The following LINGO2 variants were observed in gnomAD, a reference collection of about 807,000 sequenced individuals.
LINGO2 encodes the protein leucine-rich repeat and immunoglobulin-like domain-containing nogo receptor-interacting protein 2.
A neutral mutation model predicts 30.6 loss-of-function variants in LINGO2; 14 were observed. That is an observed-to-expected ratio of 0.46 (90% CI 0.30 to 0.72). The LOEUF is 0.72. Among genes scored for constraint, LINGO2 ranks in the 30% least tolerant of loss-of-function variants. The probability of loss-of-function intolerance (pLI) is 0.07; values close to 1 mark genes in which losing one functional copy is unlikely to be tolerated. For synonymous variants in LINGO2, 317 were observed against 288.5 expected (o/e 1.10, Z -1.00); for missense variants, 729 against 751.7 (o/e 0.97, Z 0.35).
At chr9:28,970,742 G>A in the LINGO2 span, among the ~76,000 whole-genome samples, 8 of 152,120 alleles carry the variant, frequency 5.3e-5, no homozygotes, top group Non-Finnish European at 1.0e-4. Context: ...GAGTTCCTGC[G>A]ATCCTTGACA....
intron 3 of LINGO2, among the ~76,000 whole-genome samples, chr9:28,314,768 AG>A (rs1824771565): frequency 6.6e-6 from 1 of 152,198 alleles, no homozygotes; most frequent in African/African-American, 2.4e-5. Context: ...GCAGATCACT[AG>A]GTCAGAAGAT....
At chr9:28,703,595 TA>T in the LINGO2 span, among the ~76,000 whole-genome samples, 3 of 151,918 alleles carry the variant, frequency 2.0e-5, no homozygotes, top group Non-Finnish European at 4.4e-5. Flanking sequence ...AGCCAATAGA[TA>T]TCAATTACAA....
At chr9:29,201,490 A>G in the LINGO2 span, among the ~76,000 whole-genome samples, 2 of 152,082 alleles carry the variant, frequency 1.3e-5, no homozygotes, top group African/African-American at 2.4e-5. Flanking sequence ...TAAGCCATCT[A>G]TAACCATGTG....
chr9:28,772,960 C>A, the LINGO2 span, among the ~76,000 whole-genome samples: 1 of 152,130 alleles, frequency 6.6e-6, no homozygotes. Context: ...TAAACTCATT[C>A]CATAGTATCA....
At chr9:28,755,669 A>G in the LINGO2 span, among the ~76,000 whole-genome samples, 6 of 152,204 alleles carry the variant, frequency 3.9e-5, no homozygotes, top group African/African-American at 1.2e-4. Context: ...TGAGTTGTTA[A>G]ACTACAGTCT....
upstream of LINGO2, among the ~76,000 whole-genome samples, chr9:28,673,786 A>T (rs1246181108): frequency 1.3e-5 from 2 of 152,070 alleles, no homozygotes; most frequent in Admixed American, 1.3e-4. Context: ...CTGAGCTGGG[A>T]CAAGACTGAG....
intron 4 of LINGO2, among the ~76,000 whole-genome samples, chr9:28,075,500 C>T (rs1219409024): frequency 6.6e-6 from 1 of 151,854 alleles, no homozygotes; most frequent in Non-Finnish European, 1.5e-5. Context: ...ATTAGTAACT[C>T]TACTGGTAAT....
chr9:28,877,661 A>G, the LINGO2 span, among the ~76,000 whole-genome samples: 2 of 152,024 alleles, frequency 1.3e-5, no homozygotes, highest in African/African-American at 4.8e-5. Context: ...GTAGCCTTGT[A>G]GTGTAGTTTG....
intron 2 of LINGO2, among the ~76,000 whole-genome samples, chr9:28,455,154 T>C (rs1237721273): frequency 6.6e-6 from 1 of 151,962 alleles, no homozygotes; most frequent in Non-Finnish European, 1.5e-5. Flanking sequence ...GCTTACCACA[T>C]AGAATATGAG....
chr9:29,018,362 CTTCCTGGGTGATGGGATCATTTG>C, the LINGO2 span, among the ~76,000 whole-genome samples: 1 of 151,812 alleles, frequency 6.6e-6, no homozygotes, highest in African/African-American at 2.4e-5. Flanking sequence ...ATTATGCTCA[CTTCCTGGGTGATGGGATCATTTG>C]TACCCCAAAC....
chr9:28,988,682 T>C, the LINGO2 span, among the ~76,000 whole-genome samples: 2 of 152,168 alleles, frequency 1.3e-5, no homozygotes, highest in African/African-American at 2.4e-5. Context: ...TTGGGAAGCA[T>C]CTCAAAATGC....
At chr9:28,580,519 T>C (rs1824208678) in intron 1 of LINGO2, among the ~76,000 whole-genome samples, 1 of 151,822 alleles carries the variant, frequency 6.6e-6, no homozygotes. Context: ...ATCATGCTGA[T>C]TAATCTATTT....
At chr9:28,119,888 T>C (rs890989094) in intron 4 of LINGO2, among the ~76,000 whole-genome samples, 13 of 152,184 alleles carry the variant, frequency 8.5e-5, no homozygotes, top group African/African-American at 3.1e-4. Context: ...TCAAGTCAAA[T>C]TTGAAATAAT....
At chr9:28,338,034 G>T in intron 3 of LINGO2, among the ~76,000 whole-genome samples, 1 of 152,140 alleles carries the variant, frequency 6.6e-6, no homozygotes, top group East Asian at 1.9e-4. Context: ...CATGTACCAT[G>T]CACCTGGAAA....
chr9:28,596,757 T>A (rs1157698684), intron 1 of LINGO2, among the ~76,000 whole-genome samples: 1 of 152,206 alleles, frequency 6.6e-6, no homozygotes, highest in Non-Finnish European at 1.5e-5. Flanking sequence ...TACATCATTA[T>A]CTTTATAAGT....
chr9:29,151,427 A>G, the LINGO2 span, among the ~76,000 whole-genome samples: 4 of 152,224 alleles, frequency 2.6e-5, no homozygotes, highest in Non-Finnish European at 4.4e-5. Context: ...TGTAAATGGT[A>G]TAATGCCCCA....
the LINGO2 span, among the ~76,000 whole-genome samples, chr9:28,912,650 T>C: frequency 3.3e-5 from 5 of 152,164 alleles, no homozygotes; most frequent in Non-Finnish European, 4.4e-5. Flanking sequence ...TCCTCACATA[T>C]AGTCTTCATT....
chr9:28,588,440 GCTT>G (rs1824681312), intron 1 of LINGO2, among the ~76,000 whole-genome samples: 1 of 151,894 alleles, frequency 6.6e-6, no homozygotes, highest in Non-Finnish European at 1.5e-5. Context: ...AAGAAAAGGG[GCTT>G]CCTGGAATTA....
chr9:29,137,211 C>G, the LINGO2 span, among the ~76,000 whole-genome samples: 1 of 152,132 alleles, frequency 6.6e-6, no homozygotes, highest in Non-Finnish European at 1.5e-5. Flanking sequence ...TATACCACCA[C>G]TTAACCATGA....
Sources: gnomAD v4.1 joint callset for allele counts (sites outside exome capture counted in the v4.1 genomes callset) on GRCh38, gnomAD v4.1.1 for gene constraint, MANE v1.5 for transcripts, NCBI Gene and HGNC (gene_info 2026-07-23, HGNC 2026-07-21) for gene names.